The following CNTN6 variants were observed in gnomAD, a reference collection of about 807,000 sequenced individuals.
CNTN6 encodes the protein contactin 6.
CNTN6 carries 137 observed loss-of-function variants against 122.8 expected under a neutral mutation model. The observed-to-expected ratio is 1.12, with a 90% CI of 0.97 to 1.29. CNTN6 has a LOEUF of 1.29. Ranked by LOEUF, CNTN6 falls within the 50% of genes most tolerant of loss-of-function variation. CNTN6 has a pLI of 0.00. For missense variants in CNTN6, 1,634 were observed against 1,223.4 expected, an observed-to-expected ratio of 1.34 and a Z score of -5.01; for synonymous variants, 570 against 426.0, an observed-to-expected ratio of 1.34 and a Z score of -4.16.
intron 17 of CNTN6, among the ~76,000 whole-genome samples, chr3:1,380,423 A>G (rs181766166): frequency 1.2e-3 from 178 of 152,292 alleles, no homozygotes; most frequent in Non-Finnish European, 7.6e-4. Context: ...AGCAATGGGT[A>G]ATTCCTTTTT....
chr3:1,177,356 T>G (rs2093470633), intron 2 of CNTN6, among the ~76,000 whole-genome samples: 1 of 152,180 alleles, frequency 6.6e-6, no homozygotes, highest in Non-Finnish European at 1.5e-5. Context: ...GAGAATAGTC[T>G]TTTTCTCAGA....
At chr3:1,167,871 C>T (rs928866668) in intron 2 of CNTN6, among the ~76,000 whole-genome samples, 1 of 152,106 alleles carries the variant, frequency 6.6e-6, no homozygotes, top group African/African-American at 2.4e-5. Context: ...GTTAGGATCT[C>T]AAAATAATTT....
intron 1 of CNTN6, among the ~76,000 whole-genome samples, chr3:1,104,675 A>G (rs1361524791): frequency 3.9e-5 from 6 of 152,140 alleles, no homozygotes; most frequent in Admixed American, 2.6e-4. Flanking sequence ...AATTTGGAGA[A>G]GACAAAATAT....
Position 1,115,062 on chromosome 3 carries a change from C to A in CNTN6, c.-83+21942C>A, listed in dbSNP as rs148792393. On this transcript the variant is annotated intron_variant, in intron 1 of 22. Transcript: ENST00000446702. ...GGTAAATTGAGCTGCAGGAGCAGCA[C>A]AATTTCAGTTTTAAGACCAAAAAAA... Among the ~76,000 whole-genome samples the A allele has an allele frequency of 4.0e-4, 61 of 152,164 alleles. No individual in the cohort carries two copies. In the South Asian group the frequency reaches 4.6e-3, roughly 11 times the overall value.
chr3:1,324,116 C>T (rs943185623), intron 8 of CNTN6, among the ~76,000 whole-genome samples: 1 of 149,518 alleles, frequency 6.7e-6, no homozygotes, highest in Non-Finnish European at 1.5e-5. Context: ...CTAAGTTTTG[C>T]CTTGATTTGT....
chr3:1,094,384 T>C, intron 1 of CNTN6, among the ~76,000 whole-genome samples: 1 of 152,164 alleles, frequency 6.6e-6, no homozygotes, highest in East Asian at 1.9e-4. Context: ...ATTTCATCTT[T>C]GATGTTTCAG....
At chr3:1,320,944 A>G (rs532079750) in intron 7 of CNTN6, among the ~76,000 whole-genome samples, 3 of 151,728 alleles carry the variant, frequency 2.0e-5, no homozygotes, top group African/African-American at 7.3e-5. Context: ...AAGTAACTTT[A>G]TTTACAAGTT....
At chr3:1,322,251 G>A (rs1452950059) in intron 8 of CNTN6, among the ~76,000 whole-genome samples, 3 of 151,540 alleles carry the variant, frequency 2.0e-5, no homozygotes, top group African/African-American at 7.3e-5. Flanking sequence ...TATAATATTT[G>A]TTCCTAGTTT....
At chr3:1,289,178 G>GT (rs71619484) in intron 5 of CNTN6, among the ~76,000 whole-genome samples, 54,917 of 150,428 alleles carry the variant, frequency 0.37, 10,144 homozygotes, top group Non-Finnish European at 0.38. Context: ...AGTTTGGAAG[G>GT]TTTTTTTTTT....
At chr3:1,106,906 T>C (rs1036043552) in intron 1 of CNTN6, among the ~76,000 whole-genome samples, 3 of 152,132 alleles carry the variant, frequency 2.0e-5, no homozygotes, top group Non-Finnish European at 4.4e-5. Flanking sequence ...TAAAACAGCG[T>C]TGAGTTACTC....
chr3:1,262,706 A>C (rs2094866243), intron 4 of CNTN6, among the ~76,000 whole-genome samples: 1 of 152,226 alleles, frequency 6.6e-6, no homozygotes, highest in Non-Finnish European at 1.5e-5. Flanking sequence ...TGGGATTTGA[A>C]TCTTTGTTCT....
intron 2 of CNTN6, among the ~76,000 whole-genome samples, chr3:1,183,066 G>A (rs2093580426): frequency 6.6e-6 from 1 of 152,072 alleles, no homozygotes; most frequent in Admixed American, 6.6e-5. Context: ...TCATGTGTGT[G>A]CTAATGTTGT....
chr3:1,135,948 C>T (rs754976665), intron 1 of CNTN6, among the ~76,000 whole-genome samples: 27 of 152,096 alleles, frequency 1.8e-4, no homozygotes, highest in Non-Finnish European at 2.6e-4. Context: ...GCCGAGATTG[C>T]GCCACTGCAC....
chr3:1,244,542 G>A (rs2094532689), intron 4 of CNTN6, among the ~76,000 whole-genome samples: 1 of 152,158 alleles, frequency 6.6e-6, no homozygotes, highest in Non-Finnish European at 1.5e-5. Context: ...AGAAGAGGTA[G>A]AGAGGTAGGA....
chr3:1,227,993 T>C lies in CNTN6; in HGVS notation c.358T>C (p.Tyr120His). The change falls in exon 4 of 23, where the codon TAT (tyrosine) becomes CAT (histidine). Residue 120 changes from tyrosine to histidine, a missense_variant and splice_region_variant. Coordinates refer to ENST00000446702, the MANE Select transcript of CNTN6 (RefSeq NM_001289080.2). ...TCGGAAGGCAAAGCTCCAATTTGCA[T>C]GTGAGTTTGGGGTAAATTTTGTAAT... ...LSRKAKLQFAYIEDFETKTRS... is the reference protein window; with the variant it reads ...LSRKAKLQFAHIEDFETKTRS... 1.2e-6 allele frequency: 2 copies of C among 1,612,424 alleles called. No individual in the cohort carries two copies. The highest frequency in any genetic ancestry group is 2.2e-5 in the South Asian group (2 of 90,762).
At chr3:1,340,674 A>C (rs3772290) in intron 11 of CNTN6, among the ~76,000 whole-genome samples, 69,067 of 151,954 alleles carry the variant, frequency 0.45, 17,224 homozygotes, top group Non-Finnish European at 0.57. Flanking sequence ...ATTCTCAGCC[A>C]CTTTTGTAAA....
At chr3:1,296,240 C>T (rs1696211509) in intron 6 of CNTN6, among the ~76,000 whole-genome samples, 2 of 151,924 alleles carry the variant, frequency 1.3e-5, no homozygotes, top group Admixed American at 6.6e-5. Context: ...CCTTTATTTA[C>T]GTGGCTGGCA....
chr3:1,362,355 A>G (rs1222865419), intron 12 of CNTN6, among the ~76,000 whole-genome samples: 1 of 152,134 alleles, frequency 6.6e-6, no homozygotes, highest in African/African-American at 2.4e-5. Context: ...AACAGGTCAC[A>G]GCGATAGAAA....
At chr3:1,300,547 AAGAG>A (rs1412035523) in intron 7 of CNTN6, among the ~76,000 whole-genome samples, 4 of 125,792 alleles carry the variant, frequency 3.2e-5, no homozygotes, top group Non-Finnish European at 5.2e-5. Context: ...GAGAGAAAGA[AAGAG>A]AAAGAAAAAG....
Sources: allele counts gnomAD v4.1 joint callset (sites outside exome capture counted in the v4.1 genomes callset), GRCh38; gene constraint gnomAD v4.1.1; transcripts MANE v1.5; gene names NCBI Gene and HGNC (gene_info 2026-07-23, HGNC 2026-07-21).